NFIA: variants seen among roughly 807,000 people sequenced by gnomAD.
NFIA encodes the protein nuclear factor 1 A-type.
NFIA carries 8 observed loss-of-function variants against 62.8 expected under a neutral mutation model. The observed-to-expected ratio is 0.13, with a 90% confidence interval of 0.07 to 0.23. NFIA has a LOEUF of 0.23. Ranked by LOEUF, NFIA falls within the 10% of genes least tolerant of loss-of-function variation. The pLI is 1.00. For missense variants in NFIA, 410 were observed against 642.1 expected (o/e 0.64, Z 3.91); for synonymous variants, 235 against 238.1 (o/e 0.99, Z 0.12).
chr1:61,406,542 T>TGGGGGGGGGGGGGGGGGGGG lies in NFIA; in HGVS notation c.1255-19_1255-18insGGGGGGGGGGGGGGGGGGGG. On this transcript the variant is annotated intron_variant, in intron 8 of 10. Transcript: ENST00000403491. ...TTCTTTTTCTTGTACGTGTGTTTTC[T>TGGGGGGGGGGGGGGGGGGGG]GCCCCCCCCCCCCCCACAGCCCAAT... 36 of 1,253,776 alleles carry TGGGGGGGGGGGGGGGGGGGG rather than the reference T, an allele frequency of 2.9e-5. No homozygotes were observed. The highest frequency in any genetic ancestry group is 1.2e-4 in the East Asian group (4 of 32,718). The allele number at this position is 1,253,776 out of a possible 1,614,324, so 77.7% of individuals were successfully genotyped here. A position where few individuals can be genotyped will look rare whatever the true frequency, so the allele number is the denominator to read the frequency against.
intron 2 of NFIA, among the ~76,000 whole-genome samples, chr1:61,110,954 C>T (rs983034192): frequency 1.3e-5 from 2 of 152,052 alleles, no homozygotes; most frequent in Non-Finnish European, 2.9e-5. Context: ...TTGAAACTTA[C>T]AAGTTTGCAA....
chr1:61,153,692 C>T (rs921453956), intron 2 of NFIA, among the ~76,000 whole-genome samples: 13 of 152,122 alleles, frequency 8.5e-5, no homozygotes, highest in African/African-American at 2.7e-4. Context: ...AAAATAGTTC[C>T]GAGGTCTTCT....
intron 2 of NFIA, among the ~76,000 whole-genome samples, chr1:61,130,800 G>A (rs977286105): frequency 1.3e-5 from 2 of 152,174 alleles, no homozygotes; most frequent in East Asian, 3.8e-4. Context: ...ACCAAGGTCA[G>A]GTTAGTTAAT....
chr1:61,347,834 G>T (rs767605965), intron 4 of NFIA, among the ~76,000 whole-genome samples: 4 of 152,144 alleles, frequency 2.6e-5, no homozygotes, highest in Non-Finnish European at 4.4e-5. Context: ...GAGTCAGTGT[G>T]GCGCAGTAAG....
At chr1:61,343,697 A>G (rs7516903) in intron 4 of NFIA, among the ~76,000 whole-genome samples, 8,960 of 152,296 alleles carry the variant, frequency 0.059, 853 homozygotes, top group African/African-American at 0.2. Context: ...AAGGAAAAGT[A>G]GAAAACAGGA....
At chr1:61,408,771 C>A (rs902380593) in intron 9 of NFIA, among the ~76,000 whole-genome samples, 12 of 152,172 alleles carry the variant, frequency 7.9e-5, no homozygotes, top group Non-Finnish European at 1.3e-4. Context: ...AACTGTGTTT[C>A]TCTTTGAATC....
intron 2 of NFIA, among the ~76,000 whole-genome samples, chr1:61,107,274 G>A (rs1206308486): frequency 6.6e-6 from 1 of 151,378 alleles, no homozygotes; most frequent in Admixed American, 6.6e-5. Context: ...AGTTATGCCT[G>A]TTTATACGAT....
At chr1:61,151,435 G>A (rs556682761) in intron 2 of NFIA, among the ~76,000 whole-genome samples, 54 of 147,968 alleles carry the variant, frequency 3.6e-4, no homozygotes, top group African/African-American at 1.2e-3. Context: ...GATCCAATGT[G>A]CAGAGAAGGC....
intron 2 of NFIA, among the ~76,000 whole-genome samples, chr1:61,247,001 C>A (rs1320260408): frequency 6.6e-6 from 1 of 152,284 alleles, no homozygotes; most frequent in East Asian, 1.9e-4. Flanking sequence ...AGTCTCTTAA[C>A]CATTTTACTT....
intron 2 of NFIA, among the ~76,000 whole-genome samples, chr1:61,220,108 G>A (rs1653928681): frequency 6.6e-6 from 1 of 152,224 alleles, no homozygotes; most frequent in Non-Finnish European, 1.5e-5. Flanking sequence ...CTGTTGATGA[G>A]AAAGGAGCAA....
At chr1:61,244,106 T>C (rs1054979005) in intron 2 of NFIA, among the ~76,000 whole-genome samples, 4 of 152,178 alleles carry the variant, frequency 2.6e-5, no homozygotes, top group Non-Finnish European at 5.9e-5. Context: ...AAATATAAAA[T>C]TTACTTTCTA....
chr1:61,215,904 G>A (rs546602202), intron 2 of NFIA, among the ~76,000 whole-genome samples: 3 of 152,152 alleles, frequency 2.0e-5, no homozygotes, highest in South Asian at 4.1e-4. Flanking sequence ...AAAGTTTAGC[G>A]CATGCGGTCA....
intron 2 of NFIA, among the ~76,000 whole-genome samples, chr1:61,166,146 G>A (rs1306346078): frequency 6.6e-6 from 1 of 152,106 alleles, no homozygotes; most frequent in Non-Finnish European, 1.5e-5. Context: ...TTTAATAGGG[G>A]ACTCTTAGAG....
At position 61,257,277 on chromosome 1, in the gene NFIA, G is replaced by A. The variant is rs143785288; in HGVS notation, c.560-20243G>A. Among the ~76,000 whole-genome samples, 174 of 150,932 alleles carry A rather than the reference G, an allele frequency of 1.2e-3. 1 individual carries two copies. The highest frequency in any genetic ancestry group is 6.9e-3 in the Middle Eastern group (2 of 290). Reference sequence around the variant, plus strand: ...GCAGGATAAGCATGTTTGTGCAGAGGTAGAGAATTGTCTCCAGTCATGATT... The same window carrying A: ...GCAGGATAAGCATGTTTGTGCAGAGATAGAGAATTGTCTCCAGTCATGATT... On this transcript the variant is annotated intron_variant, in intron 2 of 10. Coordinates refer to ENST00000403491, the MANE Select transcript of NFIA (RefSeq NM_001134673.4).
intron 4 of NFIA, among the ~76,000 whole-genome samples, chr1:61,334,587 ATATATATATATATATATATATATATG>A (rs1557713931): frequency 3.0e-5 from 3 of 99,608 alleles, no homozygotes; most frequent in African/African-American, 7.3e-5. Context: ...ATATATATAT[ATATATATATATATATATATATATATG>A]TATCAGACCA....
At chr1:61,220,089 CCTGT>C (rs1167727323) in intron 2 of NFIA, among the ~76,000 whole-genome samples, 1 of 152,112 alleles carries the variant, frequency 6.6e-6, no homozygotes, top group Non-Finnish European at 1.5e-5. Context: ...GTTTTATGCC[CCTGT>C]CTTTCTGTTG....
At chr1:61,340,554 T>G (rs1661843732) in intron 4 of NFIA, among the ~76,000 whole-genome samples, 1 of 152,226 alleles carries the variant, frequency 6.6e-6, no homozygotes, top group Non-Finnish European at 1.5e-5. Context: ...GAGGGTTAAG[T>G]GACAGATAGT....
At chr1:61,342,343 A>T (rs1035922843) in intron 4 of NFIA, among the ~76,000 whole-genome samples, 1 of 152,156 alleles carries the variant, frequency 6.6e-6, no homozygotes, top group Admixed American at 6.5e-5. Context: ...CCTGGTTTAT[A>T]GATCACTGTG....
intron 2 of NFIA, among the ~76,000 whole-genome samples, chr1:61,173,932 AG>A (rs759168709): frequency 1.7e-4 from 26 of 152,176 alleles, no homozygotes; most frequent in Non-Finnish European, 3.7e-4. Context: ...TCCTTGGCAT[AG>A]TGACTGGTAC....
Sources: allele counts gnomAD v4.1 joint callset (sites outside exome capture counted in the v4.1 genomes callset), GRCh38; gene constraint gnomAD v4.1.1; transcripts MANE v1.5; gene names NCBI Gene and HGNC (gene_info 2026-07-23, HGNC 2026-07-21).